Variants in COBL observed in about 807,000 individuals in gnomAD.
The protein encoded by COBL is cordon-bleu WH2 repeat protein, also known as protein cordon-bleu.
Under a neutral mutation model 98.8 loss-of-function variants are expected in COBL, and 51 were observed. That is an observed-to-expected ratio of 0.52 (90% CI 0.41 to 0.65). The LOEUF (loss-of-function observed/expected upper bound fraction) is 0.65, where lower values mean the gene tolerates loss of function less well. COBL is among the 30% of genes least tolerant of loss of function. COBL has a pLI of 0.00. For missense variants in COBL, 1,617 were observed against 1,617.5 expected (o/e 1.00, Z 0.01); for synonymous variants, 634 against 651.7 (o/e 0.97, Z 0.41).
At chr7:51,024,248 G>A (rs1787263294) in intron 12 of COBL, among the ~76,000 whole-genome samples, 1 of 152,128 alleles carries the variant, frequency 6.6e-6, no homozygotes, top group Non-Finnish European at 1.5e-5. Context: ...GGCGGAGCTT[G>A]CAGTGAGCCG....
intron 6 of COBL, among the ~76,000 whole-genome samples, chr7:51,125,337 G>A (rs532465413): frequency 4.6e-5 from 7 of 152,300 alleles, no homozygotes; most frequent in Non-Finnish European, 1.0e-4. Context: ...AGCCAAGGAG[G>A]AGCCTCAGGA....
intron 6 of COBL, among the ~76,000 whole-genome samples, chr7:51,092,749 A>G (rs1464885646): frequency 2.6e-5 from 4 of 152,110 alleles, no homozygotes; most frequent in Admixed American, 1.3e-4. Flanking sequence ...TTTTTGCTCA[A>G]GATTTGGATT....
chr7:51,169,864 T>C (rs1787681133), intron 5 of COBL, among the ~76,000 whole-genome samples: 2 of 152,196 alleles, frequency 1.3e-5, no homozygotes, highest in Admixed American at 1.3e-4. Flanking sequence ...TAACACAAAA[T>C]ATAAATGCTT....
intron 1 of COBL, chr7:51,259,400 G>T: frequency 2.3e-6 from 1 of 431,864 alleles, no homozygotes; most frequent in South Asian, 2.6e-5. Context: ...TCAGCCCAAG[G>T]GCAGTTTTCA....
At chr7:51,236,832 C>T (rs1795301803) in intron 1 of COBL, among the ~76,000 whole-genome samples, 1 of 152,196 alleles carries the variant, frequency 6.6e-6, no homozygotes, top group African/African-American at 2.4e-5. Flanking sequence ...ATGAATGCAG[C>T]AGGGTCGGTG....
At chr7:51,182,121 G>C (rs548923393) in intron 5 of COBL, among the ~76,000 whole-genome samples, 76 of 152,246 alleles carry the variant, frequency 5.0e-4, no homozygotes, top group South Asian at 1.0e-3. Context: ...GAGGAATGAG[G>C]AATGAGGAAT....
At chr7:51,244,496 GA>G (rs1796111953) in intron 1 of COBL, among the ~76,000 whole-genome samples, 1 of 56,024 alleles carries the variant, frequency 1.8e-5, no homozygotes, top group Admixed American at 1.5e-4. Context: ...GCCACAGATA[GA>G]GAGAGTTGTG....
intron 5 of COBL, among the ~76,000 whole-genome samples, chr7:51,138,942 C>A (rs1300112950): frequency 1.3e-5 from 2 of 152,204 alleles, no homozygotes; most frequent in Non-Finnish European, 2.9e-5. Flanking sequence ...GCCTGCCTGA[C>A]TGATCAATCA....
intron 1 of COBL, among the ~76,000 whole-genome samples, chr7:51,237,413 T>G (rs1001874113): frequency 6.6e-6 from 1 of 152,122 alleles, no homozygotes; most frequent in Non-Finnish European, 1.5e-5. Flanking sequence ...TTTACTAAAG[T>G]TTAAAACACA....
At chr7:51,236,625 A>T (rs1795280414) in intron 1 of COBL, among the ~76,000 whole-genome samples, 1 of 152,070 alleles carries the variant, frequency 6.6e-6, no homozygotes, top group African/African-American at 2.4e-5. Context: ...CTTGGGAAAG[A>T]GCCTGGGCAC....
At chr7:51,194,740 T>C (rs1270524703) in intron 2 of COBL, among the ~76,000 whole-genome samples, 1 of 152,222 alleles carries the variant, frequency 6.6e-6, no homozygotes, top group Admixed American at 6.5e-5. Context: ...TTCATGTTTG[T>C]TGGCCTCATG....
intron 1 of COBL, among the ~76,000 whole-genome samples, chr7:51,234,216 C>T (rs1242542173): frequency 6.6e-6 from 1 of 152,184 alleles, no homozygotes; most frequent in Non-Finnish European, 1.5e-5. Flanking sequence ...GACTGGGCCT[C>T]CCAGAGGATC....
rs191296496 is a variant in COBL at position 51,291,055 on chromosome 7, C to T, written c.41+25538G>A. 1.3e-4 allele frequency among the ~76,000 whole-genome samples: 20 copies of T among 152,318 alleles called. No homozygotes were observed. In the East Asian group the frequency reaches 3.9e-3, roughly 29 times the overall value. ...AACCCTTGGGGTATGACTGAATAAA[C>T]AGATGAACGGCTAGCTGCATGGAGC... On this transcript the variant is annotated intron_variant, in intron 1 of 12. Coordinates refer to ENST00000265136, the MANE Select transcript of COBL (RefSeq NM_015198.5).
intron 7 of COBL, among the ~76,000 whole-genome samples, chr7:51,067,585 A>G (rs1027344988): frequency 2.0e-5 from 3 of 152,182 alleles, no homozygotes. Context: ...TAGAACCACT[A>G]GTCACACTGT....
chr7:51,281,761 G>A (rs949159912), intron 1 of COBL, among the ~76,000 whole-genome samples: 2 of 152,092 alleles, frequency 1.3e-5, no homozygotes, highest in African/African-American at 2.4e-5. Flanking sequence ...CTGCCAGCAG[G>A]CCTGTTCTAG....
At position 51,287,163 on chromosome 7, in the gene COBL, GA is replaced by G. The variant is rs200736038; in HGVS notation, c.41+29429del. On this transcript the variant is annotated intron_variant, in intron 1 of 12. Transcript: ENST00000265136. ...ACCACACTCACTACCTGGATAATAG[GA>G]TCAGCCATTCCCCAAACCTCAGCAT... 7.6e-3 allele frequency among the ~76,000 whole-genome samples: 1,150 copies of G among 152,170 alleles called. 15 individuals carry two copies. Among genetic ancestry groups the G allele is most frequent in the African/African-American group, 0.027 (1,117 of 41,514 alleles).
intron 7 of COBL, among the ~76,000 whole-genome samples, chr7:51,082,245 G>A (rs1482546612): frequency 1.3e-5 from 2 of 152,210 alleles, no homozygotes; most frequent in African/African-American, 4.8e-5. Flanking sequence ...CGCATGCACA[G>A]TGATATTGCG....
chr7:51,208,800 C>T (rs1009481774), intron 2 of COBL, among the ~76,000 whole-genome samples: 4 of 152,074 alleles, frequency 2.6e-5, no homozygotes, highest in African/African-American at 9.7e-5. Context: ...GCTGTGTCCA[C>T]TCAGGGTTAA....
intron 6 of COBL, among the ~76,000 whole-genome samples, chr7:51,121,553 C>T (rs1797741567): frequency 6.6e-6 from 1 of 152,106 alleles, no homozygotes; most frequent in Non-Finnish European, 1.5e-5. Flanking sequence ...AGGAGTAAAT[C>T]AAATGTCTTT....
Sources: gnomAD v4.1 joint callset for allele counts (sites outside exome capture counted in the v4.1 genomes callset) on GRCh38, gnomAD v4.1.1 for gene constraint, MANE v1.5 for transcripts, NCBI Gene and HGNC (gene_info 2026-07-23, HGNC 2026-07-21) for gene names.